Variants in SESN3 observed in about 807,000 individuals in gnomAD.
SESN3 encodes sestrin 3.
A neutral mutation model predicts 55.3 loss-of-function variants in SESN3; 21 were observed. The ratio of observed to expected loss-of-function variants is 0.38; its 90% CI spans 0.27 to 0.55. SESN3 has a LOEUF of 0.55. SESN3 is among the 20% of genes least tolerant of loss of function. The pLI, the probability that SESN3 is intolerant of heterozygous loss-of-function variation, is 0.76. For synonymous variants in SESN3, 181 were observed against 203.1 expected, an observed-to-expected ratio of 0.89 and a Z score of 0.93; for missense variants, 408 against 604.3, an observed-to-expected ratio of 0.68 and a Z score of 3.41.
chr11:95,205,187 CAG>C (rs1860526358), intron 1 of SESN3, among the ~76,000 whole-genome samples: 1 of 152,036 alleles, frequency 6.6e-6, no homozygotes, highest in Non-Finnish European at 1.5e-5. Context: ...GAAACTTTCT[CAG>C]GGAATAAGGC....
rs899630623 is a variant in SESN3 at position 95,209,296 on chromosome 11, G to T, written c.79-15774C>A. ...CTTCTCAAAAGAAGACATTTATGTG[G>T]TCAACAAACATATGAAAAAAAAGCT... On this transcript the variant is annotated intron_variant, in intron 1 of 9. Coordinates refer to ENST00000536441, the MANE Select transcript of SESN3 (RefSeq NM_144665.4). 5.3e-5 allele frequency among the ~76,000 whole-genome samples: 8 copies of T among 151,370 alleles called. 1 individual carries two copies. Among genetic ancestry groups the T allele is most frequent in the Non-Finnish European group, 1.0e-4 (7 of 67,778 alleles).
At chr11:95,195,107 T>C (rs1301351784) in intron 1 of SESN3, among the ~76,000 whole-genome samples, 2 of 152,000 alleles carry the variant, frequency 1.3e-5, no homozygotes, top group African/African-American at 4.8e-5. Flanking sequence ...TAATAAAAAA[T>C]ACATAAAATT....
chr11:95,189,931 T>C lies in SESN3; in HGVS notation c.373A>G (p.Ile125Val), dbSNP rs757850752. The C allele has an allele frequency of 5.6e-6, 9 of 1,610,314 alleles. No individual in the cohort carries two copies. The South Asian group carries it at 6.6e-5, about 12-fold the overall frequency. ...AAARHQCSYL[I>V]NMHVDEFLKT... ...AAAAATTCATCCACATGCATGTTTATTAAGTAAGAACACTGATGTCTAGCT... is the reference window on the plus strand; with the variant it reads ...AAAAATTCATCCACATGCATGTTTACTAAGTAAGAACACTGATGTCTAGCT... Residue 125 changes from isoleucine (I) to valine (V), a missense_variant, in exon 4 of 10, where the codon ATA becomes GTA. Ile to Val is a conservative substitution (Grantham distance 29). Transcript: ENST00000536441.
intron 1 of SESN3, among the ~76,000 whole-genome samples, chr11:95,226,817 A>G (rs529151872): frequency 6.6e-6 from 1 of 152,380 alleles, no homozygotes; most frequent in South Asian, 2.1e-4. Context: ...GGGTACCCAT[A>G]TTTTTAAATT....
At chr11:95,204,802 A>G (rs1233016280) in intron 1 of SESN3, 1 of 152,218 alleles carries the variant, frequency 6.6e-6, no homozygotes, top group Non-Finnish European at 1.5e-5. Flanking sequence ...GGTTTTTGTT[A>G]TAGCAGCCTG....
chr11:95,207,221 C>T (rs544385350), intron 1 of SESN3, among the ~76,000 whole-genome samples: 37 of 151,722 alleles, frequency 2.4e-4, no homozygotes, highest in African/African-American at 8.5e-4. Context: ...CATTGTTAAG[C>T]AGCTTATGTA....
At chr11:95,211,744 T>C (rs1275438636) in intron 1 of SESN3, among the ~76,000 whole-genome samples, 1 of 152,082 alleles carries the variant, frequency 6.6e-6, no homozygotes, top group Non-Finnish European at 1.5e-5. Context: ...CACTCCAGCC[T>C]GGGTGACAGA....
intron 2 of SESN3, among the ~76,000 whole-genome samples, chr11:95,192,802 G>C (rs1860292363): frequency 6.6e-6 from 1 of 152,066 alleles, no homozygotes; most frequent in Non-Finnish European, 1.5e-5. Flanking sequence ...GTCAACTACA[G>C]GGACCAAGAC....
chr11:95,203,234 A>G (rs546822723), intron 1 of SESN3, among the ~76,000 whole-genome samples: 4 of 152,282 alleles, frequency 2.6e-5, no homozygotes, highest in African/African-American at 7.2e-5. Flanking sequence ...ACAATGATAA[A>G]ATACAAGTCA....
Position 95,184,442 on chromosome 11 carries a change from A to G in SESN3, c.915T>C (p.Thr305=), listed in dbSNP as rs756218350. Residue 305 remains threonine, a synonymous_variant, in exon 6 of 10, where the codon ACT becomes ACC. Transcript: ENST00000536441. ...CACCTGAATGAGGAAATGAATGAAA[A>G]GTATCTCCAGAGACCACAAAAAGAC... ...KESLFVVSGD[T]FHSFPHSDFE... is the part of the protein sequence containing the mutation. 1.5e-5 allele frequency: 24 copies of G among 1,613,510 alleles called. No individual in the cohort carries two copies. In the South Asian group the frequency reaches 2.5e-4, roughly 17 times the overall value.
At chr11:95,180,858 CAG>C (rs1257224568) in intron 6 of SESN3, among the ~76,000 whole-genome samples, 2 of 152,080 alleles carry the variant, frequency 1.3e-5, no homozygotes, top group Non-Finnish European at 2.9e-5. Context: ...TTCAGGTCAA[CAG>C]AAACACTTTT....
At chr11:95,227,327 T>A (rs1011103522) in intron 1 of SESN3, among the ~76,000 whole-genome samples, 1 of 152,086 alleles carries the variant, frequency 6.6e-6, no homozygotes, top group Non-Finnish European at 1.5e-5. Context: ...TGCCTCAGCC[T>A]CCTGAGTAAC....
Position 95,223,401 on chromosome 11 carries a change from A to G in SESN3, c.78+7382T>C, listed in dbSNP as rs1043880476. Among the ~76,000 whole-genome samples the G allele has an allele frequency of 7.9e-5, 12 of 152,226 alleles. No individual in the cohort carries two copies. In the South Asian group the frequency reaches 1.2e-3, roughly 16 times the overall value. On this transcript the variant is annotated intron_variant, in intron 1 of 9. Coordinates refer to ENST00000536441, the MANE Select transcript of SESN3 (RefSeq NM_144665.4). Reference sequence around the variant, plus strand: ...CTTCTTTCCCTTGTAGCCAAGAACCAATCAATTTGGTATAATGGACATAAT... The same window carrying G: ...CTTCTTTCCCTTGTAGCCAAGAACCGATCAATTTGGTATAATGGACATAAT...
intron 1 of SESN3, among the ~76,000 whole-genome samples, chr11:95,207,658 A>C (rs1860574218): frequency 6.6e-6 from 1 of 151,584 alleles, no homozygotes; most frequent in South Asian, 2.1e-4. Flanking sequence ...CTATTAATAA[A>C]CTGATACGTT....
At chr11:95,202,077 A>C (rs1218600817) in intron 1 of SESN3, among the ~76,000 whole-genome samples, 3 of 151,942 alleles carry the variant, frequency 2.0e-5, no homozygotes, top group Admixed American at 2.0e-4. Flanking sequence ...GAAAGCTTTA[A>C]ATTTATATTT....
chr11:95,191,785 G>C (rs1044480770), intron 2 of SESN3, among the ~76,000 whole-genome samples, 184 bp from the exon 3 acceptor site: 6 of 151,932 alleles, frequency 3.9e-5, no homozygotes, highest in Non-Finnish European at 8.8e-5. Flanking sequence ...TTTTGGCTCT[G>C]GTACCACAAT....
chr11:95,177,658 T>C (rs1459501237), intron 8 of SESN3, 61 bp downstream of exon 8: 1 of 1,298,454 alleles, frequency 7.7e-7, no homozygotes, highest in African/African-American at 1.5e-5. Context: ...AGGACAAAAA[T>C]AAGACTCATG....
Position 95,178,790 on chromosome 11 carries a change from G to A in SESN3, c.976C>T (p.Arg326Ter), listed in dbSNP as rs1860006595. The change falls in exon 7 of 10, where the codon CGA (arginine) becomes TGA (stop). Residue 326 changes from arginine (R) to a stop codon, truncating the protein, a stop_gained. Coordinates refer to ENST00000536441, the MANE Select transcript of SESN3 (RefSeq NM_144665.4). LOFTEE classifies it high-confidence loss of function. ...DDMIITSDVS[R>*]YIEDPGFGYE... is the part of the protein sequence containing the mutation. ...CCAAAACCAGGGTCTTCAATATATCGAGAGACATCAGATGTTATAATCATG... is the reference window on the plus strand; with the variant it reads ...CCAAAACCAGGGTCTTCAATATATCAAGAGACATCAGATGTTATAATCATG... 1.2e-6 allele frequency: 2 copies of A among 1,610,292 alleles called. No homozygotes were observed. Among genetic ancestry groups the A allele is most frequent in the Admixed American group, 1.7e-5 (1 of 59,978 alleles).
In SESN3 at chr11:95,221,236, G is replaced by A. The variant is rs566766300; in HGVS notation, c.78+9547C>T. Among the ~76,000 whole-genome samples the A allele has an allele frequency of 9.2e-5, 14 of 152,044 alleles. 1 individual carries two copies. The East Asian group carries it at 2.7e-3, about 29-fold the overall frequency. On this transcript the variant is annotated intron_variant, in intron 1 of 9. Transcript: ENST00000536441. ...GGAGAATCGCTTGAACCCGGGAGGC[G>A]GTGGTTTCACTGAGCCAAGATGGCG...
Sources: gnomAD v4.1 joint callset for allele counts (sites outside exome capture counted in the v4.1 genomes callset) on GRCh38, gnomAD v4.1.1 for gene constraint, MANE v1.5 for transcripts, NCBI Gene and HGNC (gene_info 2026-07-23, HGNC 2026-07-21) for gene names.